TOX: variants seen among roughly 807,000 people sequenced by gnomAD.
The protein encoded by TOX is thymocyte selection associated high mobility group box.
In TOX, 11 loss-of-function variants were observed where a neutral mutation model predicts 53.7. The observed-to-expected ratio is 0.20, with a 90% CI of 0.13 to 0.34. The LOEUF is 0.34. TOX is among the 10% of genes least tolerant of loss of function. TOX has a pLI of 1.00. For missense variants in TOX, 570 were observed against 664.6 expected, an observed-to-expected ratio of 0.86 and a Z score of 1.56; for synonymous variants, 225 against 245.3, an observed-to-expected ratio of 0.92 and a Z score of 0.77.
intron 1 of TOX, among the ~76,000 whole-genome samples, chr8:59,014,586 T>C (rs531791705): frequency 1.3e-5 from 2 of 152,314 alleles, no homozygotes; most frequent in East Asian, 3.9e-4. Flanking sequence ...GAAGAGTGGA[T>C]GGAAAAATAT....
At chr8:58,979,180 T>TA (rs1813157861) in intron 1 of TOX, among the ~76,000 whole-genome samples, 1 of 152,228 alleles carries the variant, frequency 6.6e-6, no homozygotes, top group African/African-American at 2.4e-5. Context: ...GTTGATTTCA[T>TA]AAAGAGGCAA....
rs1554547220 is a variant in TOX at position 59,107,056 on chromosome 8, G to GGGGGC, written c.102+11829_102+11830insGCCCC. Among the ~76,000 whole-genome samples, 3 of 126,660 alleles carry GGGGGC rather than the reference G, an allele frequency of 2.4e-5. 1 individual carries two copies. Among genetic ancestry groups the GGGGGC allele is most frequent in the Admixed American group, 1.6e-4 (2 of 12,774 alleles). The allele number at this position is 126,660 out of a possible 152,430, so 83.1% of individuals were successfully genotyped here. A position where few individuals can be genotyped will look rare whatever the true frequency, so the allele number is the denominator to read the frequency against. On this transcript the variant is annotated intron_variant, in intron 1 of 8. Coordinates refer to ENST00000361421, the MANE Select transcript of TOX (RefSeq NM_014729.3). The stretch of plus-strand genomic sequence containing the variant: ...TATAAAGCAGTTTGCTGGGGGGGGG[G>GGGGGC]GGAACGTGACATTTCTAATTCATTC...
rs551924803 is a variant in TOX at position 59,005,303 on chromosome 8, G to T, written c.103-45295C>A. 5.9e-5 allele frequency among the ~76,000 whole-genome samples: 9 copies of T among 152,254 alleles called. No homozygotes were observed. In the South Asian group the frequency reaches 1.9e-3, roughly 32 times the overall value. Reference sequence around the variant, plus strand: ...TCCACCTGCCTCGGCCTCCCAAAGTGCTGGGATTACAGGAGTGAGCCACTG... The same window carrying T: ...TCCACCTGCCTCGGCCTCCCAAAGTTCTGGGATTACAGGAGTGAGCCACTG... On this transcript the variant is annotated intron_variant, in intron 1 of 8. Transcript: ENST00000361421.
At chr8:58,921,054 T>C (rs1204952664) in intron 3 of TOX, among the ~76,000 whole-genome samples, 1 of 148,374 alleles carries the variant, frequency 6.7e-6, no homozygotes, top group Non-Finnish European at 1.5e-5. Flanking sequence ...TCTTGCCTTA[T>C]GTGGAGACAC....
intron 1 of TOX, among the ~76,000 whole-genome samples, chr8:59,033,012 C>T (rs1814387568): frequency 1.3e-5 from 2 of 148,940 alleles, no homozygotes; most frequent in South Asian, 4.2e-4. Context: ...CCATCCTGGG[C>T]CACAGAGTGA....
chr8:58,991,022 C>T (rs1160771958), intron 1 of TOX, among the ~76,000 whole-genome samples: 3 of 152,154 alleles, frequency 2.0e-5, no homozygotes, highest in Non-Finnish European at 4.4e-5. Context: ...AATTAATCCT[C>T]GTAAGCCTCA....
intron 3 of TOX, among the ~76,000 whole-genome samples, chr8:58,866,660 A>T (rs1163173918): frequency 3.3e-5 from 5 of 152,216 alleles, no homozygotes; most frequent in African/African-American, 1.2e-4. Flanking sequence ...CTAACTGCAC[A>T]TTTATAAATT....
At chr8:58,896,796 C>A (rs1450128069) in intron 3 of TOX, among the ~76,000 whole-genome samples, 1 of 152,238 alleles carries the variant, frequency 6.6e-6, no homozygotes, top group African/African-American at 2.4e-5. Flanking sequence ...AGTCCTATTA[C>A]CCTGCATGGG....
rs1170784491 is a variant in TOX, at chr8:58,840,704, C to T, written c.694-2393G>A. Among the ~76,000 whole-genome samples the T allele has an allele frequency of 2.6e-5, 4 of 152,192 alleles. No homozygotes were observed. In the East Asian group the frequency reaches 5.8e-4, roughly 22 times the overall value. On this transcript the variant is annotated intron_variant, in intron 4 of 8. Coordinates refer to ENST00000361421, the MANE Select transcript of TOX (RefSeq NM_014729.3). The stretch of plus-strand genomic sequence containing the variant: ...AGGCTACCTATGGCCATATTTTTCT[C>T]CTTTTCACAACCAAACTCCTCCAAG...
chr8:59,082,271 C>T (rs1453719681), intron 1 of TOX, among the ~76,000 whole-genome samples: 3 of 152,226 alleles, frequency 2.0e-5, no homozygotes. Flanking sequence ...AAAAAATCTT[C>T]CACGGAGAAT....
rs905637368 is a variant in TOX at position 58,860,124 on chromosome 8, C to G, written c.412-8319G>C. ...ATTTTATTCGATTTTTTTCCTTTCT[C>G]TAAAGGAGAGGGGGGCCGTGTGCTA... On this transcript the variant is annotated intron_variant, in intron 3 of 8. Coordinates refer to ENST00000361421, the MANE Select transcript of TOX (RefSeq NM_014729.3). Among the ~76,000 whole-genome samples, 12 of 152,194 alleles carry G rather than the reference C, an allele frequency of 7.9e-5. 1 individual carries two copies. Among genetic ancestry groups the G allele is most frequent in the Admixed American group, 5.2e-4 (8 of 15,272 alleles).
chr8:58,934,702 G>A (rs558412428), intron 3 of TOX, among the ~76,000 whole-genome samples: 8 of 152,312 alleles, frequency 5.3e-5, no homozygotes, highest in African/African-American at 1.9e-4. Context: ...CAGGATGAAA[G>A]TATAAATAAC....
intron 3 of TOX, among the ~76,000 whole-genome samples, chr8:58,866,528 C>G (rs953396289): frequency 2.0e-5 from 3 of 152,176 alleles, no homozygotes; most frequent in Non-Finnish European, 4.4e-5. Flanking sequence ...GCTTTCTATC[C>G]TTTTCTTAAC....
intron 1 of TOX, among the ~76,000 whole-genome samples, chr8:59,088,956 T>C (rs1196379910): frequency 6.6e-6 from 1 of 152,196 alleles, no homozygotes; most frequent in Non-Finnish European, 1.5e-5. Flanking sequence ...ATTAGTGAAA[T>C]GTAATACTTA....
At chr8:59,069,885 G>C (rs1445711132) in intron 1 of TOX, among the ~76,000 whole-genome samples, 1 of 152,186 alleles carries the variant, frequency 6.6e-6, no homozygotes, top group Admixed American at 6.5e-5. Flanking sequence ...CTTTCAGAGC[G>C]AGAAGGGCCT....
In TOX at chr8:58,807,078, T is replaced by C. The variant is rs932773287; in HGVS notation, c.*669A>G. The C allele has an allele frequency of 6.6e-6, 1 of 152,668 alleles. No homozygotes were observed. Among genetic ancestry groups the C allele is most frequent in the Non-Finnish European group, 1.5e-5 (1 of 68,032 alleles). 9.5% of individuals were successfully genotyped at this position (152,668 alleles called of 1,614,324 possible). A position where few individuals can be genotyped will look rare whatever the true frequency, so the allele number is the denominator to read the frequency against. On this transcript the variant is annotated 3_prime_UTR_variant, in exon 9 of 9. Coordinates refer to ENST00000361421, the MANE Select transcript of TOX (RefSeq NM_014729.3). ...GTGTTTGCGCTTCCCTTAATACTAGTTTCTTTTTGTCTGATCAATGAGACA... is the reference window on the plus strand; with the variant it reads ...GTGTTTGCGCTTCCCTTAATACTAGCTTCTTTTTGTCTGATCAATGAGACA...
intron 3 of TOX, among the ~76,000 whole-genome samples, chr8:58,929,769 A>G (rs1812229449): frequency 6.6e-6 from 1 of 151,948 alleles, no homozygotes; most frequent in South Asian, 2.1e-4. Flanking sequence ...TAATTAAAAA[A>G]ATAACATGAG....
chr8:58,833,461 G>A (rs1810497191), intron 5 of TOX, among the ~76,000 whole-genome samples: 2 of 152,276 alleles, frequency 1.3e-5, no homozygotes, highest in Admixed American at 6.5e-5. Flanking sequence ...ACAATGACCA[G>A]AATCAGAGAG....
In TOX at chr8:58,933,761, C is replaced by T. The variant is rs187298830; in HGVS notation, c.411+5541G>A. Reference sequence around the variant, plus strand: ...ATCAACTAGTCTTGGGGCTTTCCATCTTCTTGGGGGCAGAACATTTGTTCA... The same window carrying T: ...ATCAACTAGTCTTGGGGCTTTCCATTTTCTTGGGGGCAGAACATTTGTTCA... On this transcript the variant is annotated intron_variant, in intron 3 of 8. Transcript: ENST00000361421. 1.1e-3 allele frequency among the ~76,000 whole-genome samples: 169 copies of T among 152,236 alleles called. 1 individual carries two copies. Among genetic ancestry groups the T allele is most frequent in the Non-Finnish European group, 1.9e-3 (126 of 68,008 alleles).
Sources: gnomAD v4.1 joint callset for allele counts (sites outside exome capture counted in the v4.1 genomes callset) on GRCh38, gnomAD v4.1.1 for gene constraint, MANE v1.5 for transcripts, NCBI Gene and HGNC (gene_info 2026-07-23, HGNC 2026-07-21) for gene names.